The following USP47 variants were observed in gnomAD, a reference collection of about 807,000 sequenced individuals.
The protein encoded by USP47 is ubiquitin carboxyl-terminal hydrolase 47.
In USP47, 35 loss-of-function variants were observed where a neutral mutation model predicts 165.1. That is an observed-to-expected ratio of 0.21 (90% CI 0.16 to 0.28). USP47 has a LOEUF of 0.28. Ranked by LOEUF, USP47 falls within the 10% of genes least tolerant of loss-of-function variation. The pLI is 1.00. For missense variants in USP47, 1,277 were observed against 1,607.4 expected, an observed-to-expected ratio of 0.79 and a Z score of 3.52; for synonymous variants, 531 against 544.5, an observed-to-expected ratio of 0.98 and a Z score of 0.35.
chr11:11,941,992 G>A (rs1177949202), intron 19 of USP47, among the ~76,000 whole-genome samples: 1 of 152,016 alleles, frequency 6.6e-6, no homozygotes, highest in African/African-American at 2.4e-5. Flanking sequence ...AAAGGTGAAA[G>A]ATTTCTACAA....
In USP47 at chr11:11,841,999, G is replaced by T. The variant is rs965839023; in HGVS notation, c.-187G>T. 14 of 562,568 alleles carry T rather than the reference G, an allele frequency of 2.5e-5. No homozygotes were observed. Among genetic ancestry groups the T allele is most frequent in the Non-Finnish European group, 3.6e-5 (12 of 337,934 alleles). 34.8% of individuals were successfully genotyped at this position (562,568 alleles called of 1,614,324 possible). On this transcript the variant is annotated 5_prime_UTR_variant, in exon 1 of 28. Transcript: ENST00000527733. ...CGAAGGCGGCTGTGGTAGCGGCGGC[G>T]GCGGCGGCGGAGCCCTGGGTCGGTG...
Position 11,956,444 on chromosome 11 carries a change from TATTA to T in USP47, c.*270_*273del. 1 of 283,058 alleles carries T rather than the reference TATTA, an allele frequency of 3.5e-6. No individual in the cohort carries two copies. The highest frequency in any genetic ancestry group is 6.6e-6 in the Non-Finnish European group (1 of 152,484). The allele number at this position is 283,058 out of a possible 1,614,324, so 17.5% of individuals were successfully genotyped here. ...AAAACAACAAAAAAAGCTAACCTTC[TATTA>T]GAAAAGGGGACAGGGGAATGAGTAA... On this transcript the variant is annotated 3_prime_UTR_variant, in exon 28 of 28. Transcript: ENST00000527733.
At chr11:11,879,133 A>G (rs1850666998) in intron 1 of USP47, among the ~76,000 whole-genome samples, 1 of 152,282 alleles carries the variant, frequency 6.6e-6, no homozygotes, top group East Asian at 1.9e-4. Context: ...TTGAAGGAAT[A>G]TAAGATTGGA....
intron 4 of USP47, among the ~76,000 whole-genome samples, chr11:11,896,780 T>C (rs1564869492): frequency 6.6e-6 from 1 of 152,094 alleles, no homozygotes; most frequent in African/African-American, 2.4e-5. Context: ...TGGGGAATAG[T>C]CTGGAATAGA....
intron 3 of USP47, among the ~76,000 whole-genome samples, chr11:11,886,820 A>C (rs1468341748): frequency 6.6e-6 from 1 of 152,192 alleles, no homozygotes; most frequent in Non-Finnish European, 1.5e-5. Context: ...AATGAAATAA[A>C]AAATGTTAAG....
chr11:11,853,687 A>G (rs1036921066), intron 1 of USP47, among the ~76,000 whole-genome samples: 1 of 152,238 alleles, frequency 6.6e-6, no homozygotes, highest in African/African-American at 2.4e-5. Context: ...TGAAACATGC[A>G]TACATAAAGT....
In USP47 at chr11:11,938,327, T is replaced by C; in HGVS notation, c.2148T>C (p.Ala716=). 6.2e-7 allele frequency: 1 copy of C among 1,612,194 alleles called. No homozygotes were observed. Among genetic ancestry groups the C allele is most frequent in the Non-Finnish European group, 8.5e-7 (1 of 1,178,818 alleles). The part of the protein sequence containing the change: ...ESVAAPITVR[A]YLNQTVTEFK... ...TAGCTGCTCCTATAACTGTTCGTGCTTACTTAAATCAGACAGTTACAGAAT... is the reference window on the plus strand; with the variant it reads ...TAGCTGCTCCTATAACTGTTCGTGCCTACTTAAATCAGACAGTTACAGAAT... The change falls in exon 18 of 28, where the codon GCT becomes GCC. Residue 716 remains alanine (A), a synonymous_variant. Transcript: ENST00000527733.
chr11:11,872,716 A>ATT (rs58188392), intron 1 of USP47, among the ~76,000 whole-genome samples: 1 of 152,006 alleles, frequency 6.6e-6, no homozygotes, highest in African/African-American at 2.4e-5. Flanking sequence ...CAGTTCAACA[A>ATT]TTTTTTTGTG....
intron 14 of USP47, among the ~76,000 whole-genome samples, chr11:11,932,558 G>C (rs576804683): frequency 1.3e-5 from 2 of 152,098 alleles, no homozygotes; most frequent in African/African-American, 4.8e-5. Context: ...TATTTATTAA[G>C]TTTTATTGTA....
At position 11,956,092 on chromosome 11, in the gene USP47, C is replaced by T. The variant is rs371170010; in HGVS notation, c.3985C>T (p.Arg1329Cys). Residue 1329 changes from arginine (R) to cysteine (C), a missense_variant, in exon 28 of 28, where the codon CGT becomes TGT. Arg to Cys is a radical substitution (Grantham distance 180). Coordinates refer to ENST00000527733, the MANE Select transcript of USP47 (RefSeq NM_001282659.2). ...ESSRLQKTGH[R>C]VTYSPRKEKA... ...CAGTCGACTCCAGAAGACTGGACAT[C>T]GTGTAACATACTCACCTCGTAAAGA... 77 of 1,611,968 alleles carry T rather than the reference C, an allele frequency of 4.8e-5. No individual in the cohort carries two copies. The highest frequency in any genetic ancestry group is 5.9e-5 in the Non-Finnish European group (70 of 1,179,376).
At chr11:11,850,918 C>T (rs552299839) in intron 1 of USP47, among the ~76,000 whole-genome samples, 2 of 152,324 alleles carry the variant, frequency 1.3e-5, no homozygotes, top group South Asian at 4.1e-4. Flanking sequence ...GACAAGGCAG[C>T]TCTCTGGGGC....
At chr11:11,847,699 A>G (rs554139362) in intron 1 of USP47, among the ~76,000 whole-genome samples, 1 of 152,024 alleles carries the variant, frequency 6.6e-6, no homozygotes, top group South Asian at 2.1e-4. Context: ...TTGTCTAATT[A>G]TTGTTATTTT....
rs192796861 is a variant in USP47 at position 11,842,798 on chromosome 11, G to C, written c.39+574G>C. On this transcript the variant is annotated intron_variant, in intron 1 of 27. Coordinates refer to ENST00000527733, the MANE Select transcript of USP47 (RefSeq NM_001282659.2). ...GTAGTACATGGGACATTAATGTAAA[G>C]GAAGGAGATAGGAGAACATTACCAC... Among the ~76,000 whole-genome samples the C allele has an allele frequency of 5.5e-4, 83 of 150,328 alleles. 1 individual carries two copies. Among genetic ancestry groups the C allele is most frequent in the Admixed American group, 3.6e-3 (55 of 15,130 alleles).
At chr11:11,891,835 G>T in intron 3 of USP47, 133 bp from the exon 4 acceptor site, 1 of 1,111,678 alleles carries the variant, frequency 9.0e-7, no homozygotes, top group Non-Finnish European at 1.2e-6. Flanking sequence ...GTAACACTTT[G>T]GAAGGGGGCA....
At chr11:11,943,162 CT>C (rs1385647484) in intron 20 of USP47, 50 bp downstream of exon 20, 5 of 1,534,556 alleles carry the variant, frequency 3.3e-6, no homozygotes, top group Non-Finnish European at 4.4e-6. Flanking sequence ...CAGTTTTTCT[CT>C]CAGTTTATTT....
At chr11:11,943,878 G>A (rs1855649225) in intron 20 of USP47, 1 of 152,090 alleles carries the variant, frequency 6.6e-6, no homozygotes, top group East Asian at 1.9e-4. Flanking sequence ...TTCTAGCAAA[G>A]CAAATATTAA....
intron 5 of USP47, 22 bp downstream of exon 5, chr11:11,897,715 A>T (rs752221145): frequency 6.8e-7 from 1 of 1,462,392 alleles, no homozygotes; most frequent in African/African-American, 1.4e-5. Flanking sequence ...AAAAAATTGT[A>T]TACATAAAAT....
intron 1 of USP47, among the ~76,000 whole-genome samples, chr11:11,871,501 C>CAAAAAAAAAAAAAAAAAAAAAAAAAA (rs71037046): frequency 3.2e-5 from 2 of 63,098 alleles, no homozygotes; most frequent in Non-Finnish European, 6.7e-5. Context: ...AACTCCCTCT[C>CAAAAAAAAAAAAAAAAAAAAAAAAAA]AAAAAAAAAA....
intron 14 of USP47, among the ~76,000 whole-genome samples, chr11:11,931,045 T>C (rs1373581173): frequency 6.6e-6 from 1 of 152,200 alleles, no homozygotes; most frequent in Non-Finnish European, 1.5e-5. Flanking sequence ...ATAACATTTT[T>C]GGAATTATTG....
Sources: allele counts gnomAD v4.1 joint callset (sites outside exome capture counted in the v4.1 genomes callset), GRCh38; gene constraint gnomAD v4.1.1; transcripts MANE v1.5; gene names NCBI Gene and HGNC (gene_info 2026-07-23, HGNC 2026-07-21).